The following AKAP9 variants were observed in gnomAD, a reference collection of about 807,000 sequenced individuals.
AKAP9 encodes A-kinase anchor protein 9.
In AKAP9, 311 loss-of-function variants were observed where a neutral mutation model predicts 488.5. That is an observed-to-expected ratio of 0.64 (90% CI 0.58 to 0.70). The LOEUF is 0.70. Ranked by LOEUF, AKAP9 falls within the 30% of genes least tolerant of loss-of-function variation. The pLI is 0.00. For synonymous variants in AKAP9, 1,462 were observed against 1,483.5 expected (o/e 0.99, Z 0.33); for missense variants, 4,215 against 4,374.5 (o/e 0.96, Z 1.03).
In AKAP9 at chr7:92,001,271, T is replaced by G. The variant is rs758597770; in HGVS notation, c.1354T>G (p.Leu452Val). 1.9e-6 allele frequency: 3 copies of G among 1,613,830 alleles called. No homozygotes were observed. Among genetic ancestry groups the G allele is most frequent in the Non-Finnish European group, 2.5e-6 (3 of 1,179,902 alleles). The change falls in exon 8 of 50, where the codon TTA (leucine) becomes GTA (valine). Residue 452 changes from leucine (L) to valine (V), a missense_variant. By Grantham distance (32) the Leu-to-Val change is conservative. Around this residue, in one of 5 missense-constraint regions of AKAP9, gnomAD observed 2,361 missense variants for 2,430.0 expected, o/e 0.97. Coordinates refer to ENST00000356239, the MANE Select transcript of AKAP9 (RefSeq NM_005751.5). ...GCAGATAGTGCAAATGAAACAAGAATTAATAAGACAACACATGGCACAGAT... is the reference window on the plus strand; with the variant it reads ...GCAGATAGTGCAAATGAAACAAGAAGTAATAAGACAACACATGGCACAGAT... Reference protein sequence around the residue: ...GQQIVQMKQELIRQHMAQMEE... With the variant: ...GQQIVQMKQEVIRQHMAQMEE...
chr7:92,079,062 T>A lies in AKAP9; in HGVS notation c.6946-17T>A. 6.5e-7 allele frequency: 1 copy of A among 1,543,638 alleles called. No individual in the cohort carries two copies. Among genetic ancestry groups the A allele is most frequent in the Non-Finnish European group, 8.8e-7 (1 of 1,135,202 alleles). On this transcript the variant is annotated splice_polypyrimidine_tract_variant and intron_variant, in intron 30 of 49. Coordinates refer to ENST00000356239, the MANE Select transcript of AKAP9 (RefSeq NM_005751.5). ...TACATATATATTATGTATGTTACCT[T>A]TTTCATTAATTATTAGGTTATTGAA...
At chr7:92,073,783 G>A (rs991259301) in intron 28 of AKAP9, among the ~76,000 whole-genome samples, 3 of 152,168 alleles carry the variant, frequency 2.0e-5, no homozygotes, top group African/African-American at 7.2e-5. Context: ...GAATAGGAAA[G>A]TTAGTGCTTT....
intron 22 of AKAP9, among the ~76,000 whole-genome samples, chr7:92,056,956 AG>A (rs1808883955): frequency 6.6e-6 from 1 of 152,008 alleles, no homozygotes; most frequent in Non-Finnish European, 1.5e-5. Flanking sequence ...AATATTAAAA[AG>A]TAAGTTGTTT....
At chr7:92,108,455 T>A in intron 48 of AKAP9, 39 bp from the exon 49 acceptor site, 2 of 1,611,000 alleles carry the variant, frequency 1.2e-6, no homozygotes, top group Non-Finnish European at 1.7e-6. Context: ...TGCATATTTC[T>A]GGATAACTTG....
Position 92,110,142 on chromosome 7 carries a change from G to A in AKAP9, c.11707G>A (p.Ala3903Thr), listed in dbSNP as rs201298286. The A allele has an allele frequency of 5.9e-5, 95 of 1,602,336 alleles. No individual in the cohort carries two copies. In the East Asian group the frequency reaches 6.0e-4, roughly 10 times the overall value. Residue 3903 changes from alanine to threonine, a missense_variant, in exon 50 of 50, where the codon GCT becomes ACT. Physicochemically the swap from Ala to Thr is moderately conservative, Grantham distance 58. Around this residue, in one of 5 missense-constraint regions of AKAP9, gnomAD observed 253 missense variants for 266.8 expected, o/e 0.95. Coordinates refer to ENST00000356239, the MANE Select transcript of AKAP9 (RefSeq NM_005751.5). ...IQSGSTTQFHAGMRR is the reference protein window; with the variant it reads ...IQSGSTTQFHTGMRR Reference sequence around the variant, plus strand: ...CATAGGTTCAACTACTCAATTTCATGCTGGCATGAGAAGATAATCCTTTGA... The same window carrying A: ...CATAGGTTCAACTACTCAATTTCATACTGGCATGAGAAGATAATCCTTTGA...
Position 92,084,695 on chromosome 7 carries a change from G to C in AKAP9, c.8702G>C (p.Cys2901Ser). 1.2e-6 allele frequency: 2 copies of C among 1,609,706 alleles called. No homozygotes were observed. Among genetic ancestry groups the C allele is most frequent in the Non-Finnish European group, 8.5e-7 (1 of 1,176,398 alleles). Residue 2901 changes from cysteine (C) to serine (S), a missense_variant, in exon 34 of 50, where the codon TGC (cysteine) becomes TCC (serine). Coordinates refer to ENST00000356239, the MANE Select transcript of AKAP9 (RefSeq NM_005751.5). ...GATGCTTACCAGACTAGAGAAATAT[G>C]CTCCAGTGGTAAGTTATATAAATAT... ...HSDAYQTREICSSDSGSDWGQ... is the reference protein window; with the variant it reads ...HSDAYQTREISSSDSGSDWGQ...
At chr7:91,946,441 A>C (rs1168956737) in intron 1 of AKAP9, among the ~76,000 whole-genome samples, 2 of 148,702 alleles carry the variant, frequency 1.3e-5, no homozygotes, top group Non-Finnish European at 3.0e-5. Flanking sequence ...TCCAGGCTGG[A>C]GTGGCAGCCT....
At chr7:91,950,822 C>G (rs1053133982) in intron 1 of AKAP9, among the ~76,000 whole-genome samples, 18 of 152,140 alleles carry the variant, frequency 1.2e-4, no homozygotes, top group African/African-American at 4.3e-4. Flanking sequence ...GAAATATCTA[C>G]TAGGAGTTTA....
chr7:92,098,987 A>C (rs1817099679), intron 43 of AKAP9, among the ~76,000 whole-genome samples: 1 of 152,158 alleles, frequency 6.6e-6, no homozygotes, highest in Non-Finnish European at 1.5e-5. Context: ...TGTACCCCAT[A>C]GTGACCCCTT....
At chr7:92,105,531 A>T (rs1265470571) in intron 46 of AKAP9, 147 bp from the exon 47 acceptor site, 1 of 706,912 alleles carries the variant, frequency 1.4e-6, no homozygotes. Flanking sequence ...ATTTTGTCAC[A>T]ACAGGCATTG....
intron 8 of AKAP9, among the ~76,000 whole-genome samples, chr7:92,006,331 T>G (rs1372958451): frequency 6.6e-6 from 1 of 151,818 alleles, no homozygotes; most frequent in Non-Finnish European, 1.5e-5. Context: ...TTGTATTTTT[T>G]GTAGAGACAG....
intron 4 of AKAP9, among the ~76,000 whole-genome samples, chr7:91,992,521 G>A (rs949025941): frequency 6.6e-6 from 1 of 151,858 alleles, no homozygotes; most frequent in African/African-American, 2.4e-5. Flanking sequence ...AAAATTAGCC[G>A]GGCATGGTGG....
In AKAP9 at chr7:92,086,256, G is replaced by A. The variant is rs1372778218; in HGVS notation, c.9053G>A (p.Ser3018Asn). The stretch of plus-strand genomic sequence containing the variant: ...TATGATAGTTCTCAATCTCATGAGA[G>A]CTTCTCAGACTGGCGAGGTGAACTA... ...EVYDSSQSHESFSDWRGELLL... is the reference protein window; with the variant it reads ...EVYDSSQSHENFSDWRGELLL... Residue 3018 changes from serine to asparagine, a missense_variant, in exon 37 of 50, where the codon AGC (serine) becomes AAC (asparagine). Transcript: ENST00000356239. 3.1e-6 allele frequency: 5 copies of A among 1,614,080 alleles called. No individual in the cohort carries two copies. The highest frequency in any genetic ancestry group is 2.2e-5 in the East Asian group (1 of 44,876).
At chr7:92,026,309 T>TCTCCCC (rs1803105325) in intron 14 of AKAP9, among the ~76,000 whole-genome samples, 1 of 151,544 alleles carries the variant, frequency 6.6e-6, no homozygotes. Flanking sequence ...ATGAAGTCGC[T>TCTCCCC]CTCCCTCTCC....
At position 92,082,583 on chromosome 7, in the gene AKAP9, T is replaced by C; in HGVS notation, c.8081T>C (p.Leu2694Pro). The C allele has an allele frequency of 6.2e-7, 1 of 1,613,992 alleles. No individual in the cohort carries two copies. The highest frequency in any genetic ancestry group is 8.5e-7 in the Non-Finnish European group (1 of 1,179,938). ...GGATTTTTTAATGAACTCGAGGCTC[T>C]TAGAGCTGAATCAGTGGCTACCAAA... ...ESGFFNELEALRAESVATKAE... is the reference protein window; with the variant it reads ...ESGFFNELEAPRAESVATKAE... The change falls in exon 32 of 50, where the codon CTT (leucine) becomes CCT (proline). Residue 2694 changes from leucine (L) to proline (P), a missense_variant. Leu to Pro is a moderately conservative substitution (Grantham distance 98). Around this residue, in one of 5 missense-constraint regions of AKAP9, gnomAD observed 1,476 missense variants for 1,477.4 expected, o/e 1.00. Transcript: ENST00000356239.
intron 40 of AKAP9, 100 bp downstream of exon 40, chr7:92,095,273 A>T: frequency 7.5e-7 from 1 of 1,334,304 alleles, no homozygotes; most frequent in Non-Finnish European, 1.1e-6. Context: ...AGACTTCTTA[A>T]TAAGATATGG....
chr7:92,057,119 T>C (rs1188497295), intron 22 of AKAP9, among the ~76,000 whole-genome samples: 1 of 152,052 alleles, frequency 6.6e-6, no homozygotes, highest in Admixed American at 6.6e-5. Context: ...TTACATACAG[T>C]GTAGCTTTAA....
chr7:91,965,041 G>A (rs977053077), intron 1 of AKAP9, among the ~76,000 whole-genome samples: 1 of 152,122 alleles, frequency 6.6e-6, no homozygotes, highest in East Asian at 1.9e-4. Context: ...ATATTTTTTA[G>A]AAATATTCAA....
intron 4 of AKAP9, among the ~76,000 whole-genome samples, chr7:91,992,645 CAG>C (rs1797899991): frequency 8.5e-6 from 1 of 118,222 alleles, no homozygotes; most frequent in Non-Finnish European, 1.6e-5. Context: ...ACCTGGGTGA[CAG>C]AGCAAGACTC....
Sources: allele counts gnomAD v4.1 joint callset (sites outside exome capture counted in the v4.1 genomes callset), GRCh38; gene constraint gnomAD v4.1.1; regional missense constraint gnomAD v4.1.1; transcripts MANE v1.5; gene names NCBI Gene and HGNC (gene_info 2026-07-23, HGNC 2026-07-21).